Variants in UNC79 observed in about 807,000 individuals in gnomAD.
The protein encoded by UNC79 is unc-79 subunit of NALCN channel complex.
Under a neutral mutation model 283.1 loss-of-function variants are expected in UNC79, and 37 were observed. The observed-to-expected ratio is 0.13, with a 90% confidence interval of 0.10 to 0.17. UNC79 has a LOEUF of 0.17. Ranked by LOEUF, UNC79 falls within the 10% of genes least tolerant of loss-of-function variation. UNC79 has a pLI of 1.00. For missense variants in UNC79, 2,272 were observed against 3,211.1 expected, an observed-to-expected ratio of 0.71 and a Z score of 7.07; for synonymous variants, 1,107 against 1,200.2, an observed-to-expected ratio of 0.92 and a Z score of 1.61.
rs773612733 is a variant in UNC79 at position 93,604,898 on chromosome 14, A to G, written c.3754+1480A>G. 7.6e-6 allele frequency: 12 copies of G among 1,580,164 alleles called. No homozygotes were observed. The African/African-American group carries it at 1.2e-4, about 16-fold the overall frequency. On this transcript the variant is annotated intron_variant, in intron 26 of 48. Coordinates refer to ENST00000555664, the Ensembl canonical transcript of UNC79. ...TAGAGTTGTTGTTGATTTTTAAGCT[A>G]TGAGGTTGACCAGGCATGAGCAGTC...
chr14:93,597,325 A>G (rs1322454318), intron 23 of UNC79, 34 bp from the exon 24 acceptor site: 2 of 1,605,072 alleles, frequency 1.2e-6, no homozygotes, highest in Admixed American at 3.3e-5. Context: ...GTGTGTGTGT[A>G]TTTACGTATT....
intron 16 of UNC79, among the ~76,000 whole-genome samples, chr14:93,574,689 C>T (rs554128411): frequency 2.0e-5 from 3 of 152,160 alleles, no homozygotes; most frequent in East Asian, 1.9e-4. Flanking sequence ...ACAGCAGGAT[C>T]GGATGGGTCA....
chr14:93,540,746 A>G (rs756640748), exon 13 of UNC79: 47 of 1,613,660 alleles, frequency 2.9e-5, no homozygotes, highest in Middle Eastern at 1.7e-4. Flanking sequence ...TCTTCCCACC[A>G]TTCCCTGGAT....
rs192527356 is a variant in UNC79 at position 93,391,106 on chromosome 14, T to C, written c.-351+57583T>C. 5.3e-4 allele frequency among the ~76,000 whole-genome samples: 81 copies of C among 152,226 alleles called. No homozygotes were observed. The East Asian group carries it at 0.015, about 28-fold the overall frequency. On this transcript the variant is annotated intron_variant, in intron 1 of 49. Coordinates refer to the UNC79 transcript ENST00000256339. ...TACAACAGTGGTATCAGCACAAAAA[T>C]ATATAACTGATTGACACAAAAAAAT... is the stretch of plus-strand genomic sequence containing the variant.
chr14:93,519,643 T>C (rs1165812226), intron 7 of UNC79, among the ~76,000 whole-genome samples: 2 of 151,816 alleles, frequency 1.3e-5, no homozygotes, highest in African/African-American at 4.8e-5. Flanking sequence ...TTCTTTTTGA[T>C]ATCTTGCCTT....
At chr14:93,557,276 C>T (rs2062228405) in intron 14 of UNC79, among the ~76,000 whole-genome samples, 1 of 152,168 alleles carries the variant, frequency 6.6e-6, no homozygotes, top group African/African-American at 2.4e-5. Flanking sequence ...GGTATTGGGA[C>T]ATCTGGACTT....
At chr14:93,500,081 G>T (rs1211770230) in intron 7 of UNC79, among the ~76,000 whole-genome samples, 1 of 152,144 alleles carries the variant, frequency 6.6e-6, no homozygotes, top group Non-Finnish European at 1.5e-5. Flanking sequence ...CCAGGCACAG[G>T]CTTTAGATGG....
At chr14:93,340,421 G>A (rs1030184050) in intron 1 of UNC79, among the ~76,000 whole-genome samples, 2 of 126,992 alleles carry the variant, frequency 1.6e-5, no homozygotes, top group African/African-American at 3.1e-5. Context: ...TAGCCTGGGC[G>A]ACAGAGCAAA....
intron 39 of UNC79, among the ~76,000 whole-genome samples, chr14:93,659,881 T>C (rs1785085633): frequency 6.6e-6 from 1 of 152,250 alleles, no homozygotes; most frequent in Non-Finnish European, 1.5e-5. Flanking sequence ...GCTGGTGTGG[T>C]GAACTCCTTC....
At chr14:93,575,113 C>G in exon 17 of UNC79, 1 of 1,613,672 alleles carries the variant, frequency 6.2e-7, no homozygotes, top group Non-Finnish European at 8.5e-7. Context: ...AGTATGTTTT[C>G]TGATGGAGTT....
intron 37 of UNC79, 105 bp downstream of exon 40, chr14:93,654,130 A>G (rs1002610221): frequency 1.3e-6 from 1 of 763,806 alleles, no homozygotes; most frequent in Non-Finnish European, 2.0e-6. Context: ...CTGCTGAGGA[A>G]GGATTGCAAT....
At position 93,594,470 on chromosome 14, in the gene UNC79, A is replaced by G. The variant is rs746604213; in HGVS notation, c.3190+633A>G. ...TTTTTAGTAGAGACAAGGTTTCAGTATGTTGATCAGGCTGGTCTTGAACTC... is the reference window on the plus strand; with the variant it reads ...TTTTTAGTAGAGACAAGGTTTCAGTGTGTTGATCAGGCTGGTCTTGAACTC... On this transcript the variant is annotated intron_variant, in intron 23 of 48. Coordinates refer to ENST00000555664, the Ensembl canonical transcript of UNC79. Among the ~76,000 whole-genome samples the G allele has an allele frequency of 2.7e-4, 41 of 152,280 alleles. 1 individual carries two copies. Among genetic ancestry groups the G allele is most frequent in the South Asian group, 6.2e-4 (3 of 4,828 alleles).
intron 12 of UNC79, 33 bp from the exon 13 acceptor site, chr14:93,540,627 A>G (rs2061331360): frequency 6.3e-7 from 1 of 1,597,334 alleles, no homozygotes; most frequent in Non-Finnish European, 8.5e-7. Flanking sequence ...GTTTTTTCAC[A>G]GTCTAACTTG....
intron 1 of UNC79, chr14:93,347,247 G>T: frequency 6.3e-7 from 1 of 1,588,038 alleles, no homozygotes; most frequent in Non-Finnish European, 8.6e-7. Context: ...TCCACGCCTG[G>T]CTTTGTCTCA....
intron 30 of UNC79, among the ~76,000 whole-genome samples, chr14:93,627,239 A>G (rs151043413): frequency 6.6e-6 from 1 of 151,790 alleles, no homozygotes; most frequent in East Asian, 1.9e-4. Context: ...GTTCCTCTCT[A>G]TTTCCTTAAT....
At chr14:93,501,265 A>C (rs2059271669) in intron 7 of UNC79, among the ~76,000 whole-genome samples, 1 of 152,200 alleles carries the variant, frequency 6.6e-6, no homozygotes, top group Admixed American at 6.5e-5. Flanking sequence ...CAGAAGTTGC[A>C]GTGAGCCAAG....
At chr14:93,406,086 AAAG>A (rs1595438147) in intron 1 of UNC79, among the ~76,000 whole-genome samples, 1 of 152,210 alleles carries the variant, frequency 6.6e-6, no homozygotes, top group Non-Finnish European at 1.5e-5. Flanking sequence ...GAGATTAGAC[AAAG>A]AAGGAGATCC....
At chr14:93,587,069 T>C (rs1036255175) in intron 22 of UNC79, among the ~76,000 whole-genome samples, 161 bp downstream of exon 22, 3 of 152,216 alleles carry the variant, frequency 2.0e-5, no homozygotes, top group Non-Finnish European at 2.9e-5. Flanking sequence ...TTTAGTCTAA[T>C]TTAAAAGTAC....
At chr14:93,554,398 C>T (rs912776045) in intron 14 of UNC79, among the ~76,000 whole-genome samples, 5 of 150,942 alleles carry the variant, frequency 3.3e-5, no homozygotes, top group Non-Finnish European at 5.9e-5. Flanking sequence ...TTCCTGTAGG[C>T]GAATGAAAAT....
Sources: allele counts gnomAD v4.1 joint callset (sites outside exome capture counted in the v4.1 genomes callset), GRCh38; gene constraint gnomAD v4.1.1; transcripts MANE v1.5; gene names NCBI Gene and HGNC (gene_info 2026-07-23, HGNC 2026-07-21).